ENPEP: variants seen among roughly 807,000 people sequenced by gnomAD.
ENPEP encodes glutamyl aminopeptidase, also known as AP-A.
A neutral mutation model predicts 114.5 loss-of-function variants in ENPEP; 103 were observed. That is an observed-to-expected ratio of 0.90 (90% CI 0.77 to 1.06). The LOEUF (loss-of-function observed/expected upper bound fraction) is 1.06, where lower values mean the gene tolerates loss of function less well. ENPEP is among the 50% of genes least tolerant of loss of function. The pLI, the probability that ENPEP is intolerant of heterozygous loss-of-function variation, is 0.00. For missense variants in ENPEP, 1,196 were observed against 1,161.3 expected (o/e 1.03, Z -0.43); for synonymous variants, 420 against 422.0 (o/e 1.00, Z 0.06).
chr4:110,494,953 C>G (rs1466944406), intron 3 of ENPEP, among the ~76,000 whole-genome samples: 1 of 152,030 alleles, frequency 6.6e-6, no homozygotes, highest in East Asian at 1.9e-4. Flanking sequence ...AATTTCACCC[C>G]AGAAAAACAA....
Position 110,476,933 on chromosome 4 carries a change from G to T in ENPEP, c.519G>T (p.Ala173=), listed in dbSNP as rs373421438. 23 of 1,614,058 alleles carry T rather than the reference G, an allele frequency of 1.4e-5. No individual in the cohort carries two copies. The highest frequency in any genetic ancestry group is 2.7e-5 in the African/African-American group (2 of 74,934). The part of the protein sequence containing the change: ...YKKQEYVVVE[A]EEELTPSSGD... The stretch of plus-strand genomic sequence containing the variant: ...AGCAGGAGTACGTGGTGGTCGAGGC[G>T]GAGGAAGAGCTTACCCCCAGCAGTG... Residue 173 remains alanine, a synonymous_variant, in exon 1 of 20, where the codon GCG becomes GCT. Transcript: ENST00000265162.
intron 1 of ENPEP, among the ~76,000 whole-genome samples, chr4:110,486,560 C>T (rs1156573132): frequency 3.3e-5 from 5 of 152,136 alleles, no homozygotes; most frequent in African/African-American, 9.7e-5. Context: ...ATTCAGATCT[C>T]GGCAAACCAA....
At chr4:110,497,448 A>G (rs1034563810) in intron 3 of ENPEP, among the ~76,000 whole-genome samples, 7 of 152,130 alleles carry the variant, frequency 4.6e-5, no homozygotes, top group Non-Finnish European at 1.5e-5. Flanking sequence ...ATATAAACAA[A>G]ATAATAAAAA....
At position 110,563,792 on chromosome 4, in the gene ENPEP, T is replaced by G. The variant is rs1433480928; in HGVS notation, c.*2234T>G. ...ACTCCTGTATTCCAGATCATTGCTATGTACCCACATAATTATAAATTAGGA... is the reference window on the plus strand; with the variant it reads ...ACTCCTGTATTCCAGATCATTGCTAGGTACCCACATAATTATAAATTAGGA... On this transcript the variant is annotated 3_prime_UTR_variant, in exon 20 of 20. Coordinates refer to ENST00000265162, the MANE Select transcript of ENPEP (RefSeq NM_001977.4). 6.6e-6 allele frequency: 1 copy of G among 152,174 alleles called. No individual in the cohort carries two copies. Among genetic ancestry groups the G allele is most frequent in the African/African-American group, 2.4e-5 (1 of 41,450 alleles). 9.4% of individuals were successfully genotyped at this position (152,174 alleles called of 1,614,324 possible).
At chr4:110,525,182 T>G (rs1726148332) in intron 10 of ENPEP, among the ~76,000 whole-genome samples, 1 of 152,264 alleles carries the variant, frequency 6.6e-6, no homozygotes, top group Non-Finnish European at 1.5e-5. Flanking sequence ...TAAACATTTC[T>G]GCATAACTAA....
At chr4:110,520,499 C>A in intron 10 of ENPEP, 133 bp downstream of exon 10, 4 of 910,414 alleles carry the variant, frequency 4.4e-6, no homozygotes, top group Non-Finnish European at 6.6e-6. Context: ...TTTAGGGGAA[C>A]AAGGAATTCA....
chr4:110,559,304 T>C (rs1319080886), intron 18 of ENPEP: 3 of 181,820 alleles, frequency 1.6e-5, no homozygotes, highest in Non-Finnish European at 3.4e-5. Flanking sequence ...TTGGTAAGAA[T>C]TGGGTTACCT....
At chr4:110,535,343 T>C (rs1726572305) in intron 11 of ENPEP, among the ~76,000 whole-genome samples, 1 of 152,172 alleles carries the variant, frequency 6.6e-6, no homozygotes, top group African/African-American at 2.4e-5. Context: ...ACTAAACATC[T>C]GTGATAATTA....
chr4:110,489,035 A>G (rs1294224326), intron 2 of ENPEP, among the ~76,000 whole-genome samples: 1 of 152,176 alleles, frequency 6.6e-6, no homozygotes, highest in Non-Finnish European at 1.5e-5. Context: ...AGGGCTACTC[A>G]CTATTTAGTT....
chr4:110,509,618 ATG>A, intron 4 of ENPEP, 33 bp from the exon 5 acceptor site: 1 of 1,588,408 alleles, frequency 6.3e-7, no homozygotes, highest in South Asian at 1.2e-5. Context: ...AATGGAAAGA[ATG>A]TATTTCTCAC....
chr4:110,521,487 A>G (rs769703317), intron 10 of ENPEP, among the ~76,000 whole-genome samples: 2 of 152,054 alleles, frequency 1.3e-5, no homozygotes, highest in African/African-American at 4.8e-5. Context: ...ACTAGAATCA[A>G]TTTAACTCTT....
intron 3 of ENPEP, among the ~76,000 whole-genome samples, chr4:110,505,013 G>A (rs1725320425): frequency 1.3e-5 from 2 of 152,204 alleles, no homozygotes; most frequent in African/African-American, 4.8e-5. Context: ...AGTTTTTAAT[G>A]CAGAGAACAG....
At chr4:110,497,521 T>G (rs950685176) in intron 3 of ENPEP, among the ~76,000 whole-genome samples, 2 of 152,114 alleles carry the variant, frequency 1.3e-5, no homozygotes, top group Admixed American at 6.6e-5. Flanking sequence ...TTCTTAAAAA[T>G]TATACTGCAG....
In ENPEP at chr4:110,561,521, T is replaced by A; in HGVS notation, c.2837T>A (p.Ile946Asn). Reference sequence around the variant, plus strand: ...TGGCTAAAACAACATAGAAACACCATCAGAGAATGGTTTTTTAATTTACTT... The same window carrying A: ...TGGCTAAAACAACATAGAAACACCAACAGAGAATGGTTTTTTAATTTACTT... Reference protein sequence around the residue: ...IEWLKQHRNTIREWFFNLLES... With the variant: ...IEWLKQHRNTNREWFFNLLES... The change falls in exon 20 of 20, where the codon ATC (isoleucine) becomes AAC (asparagine). Residue 946 changes from isoleucine (I) to asparagine (N), a missense_variant. Ile to Asn is a moderately radical substitution (Grantham distance 149, BLOSUM62 -3). Transcript: ENST00000265162. 2 of 1,613,830 alleles carry A rather than the reference T, an allele frequency of 1.2e-6. No individual in the cohort carries two copies. The highest frequency in any genetic ancestry group is 1.3e-5 in the African/African-American group (1 of 75,046).
At chr4:110,518,953 A>T (rs1450438553) in intron 8 of ENPEP, 1 of 403,288 alleles carries the variant, frequency 2.5e-6, no homozygotes, top group Non-Finnish European at 4.9e-6. Flanking sequence ...ATTATTATTT[A>T]AAAATATTAG....
At position 110,485,733 on chromosome 4, in the gene ENPEP, T is replaced by C. The variant is rs1320607020; in HGVS notation, c.645-2808T>C. Among the ~76,000 whole-genome samples, 4 of 152,346 alleles carry C rather than the reference T, an allele frequency of 2.6e-5. No individual in the cohort carries two copies. The East Asian group carries it at 7.7e-4, about 29-fold the overall frequency. ...CTTTGTCTTTCTAAAGTTAATATTT[T>C]TGAAGAATACAGGCTGGCTATTTTG... On this transcript the variant is annotated intron_variant, in intron 1 of 19. Coordinates refer to ENST00000265162, the MANE Select transcript of ENPEP (RefSeq NM_001977.4).
intron 3 of ENPEP, chr4:110,500,258 G>C (rs1178142303): frequency 6.6e-6 from 1 of 152,176 alleles, no homozygotes; most frequent in Non-Finnish European, 1.5e-5. Flanking sequence ...AGAACTCTAA[G>C]AGCCTACATT....
At chr4:110,513,594 A>T (rs965209101) in intron 7 of ENPEP, 45 bp downstream of exon 7, 4 of 1,603,394 alleles carry the variant, frequency 2.5e-6, no homozygotes, top group Non-Finnish European at 3.4e-6. Flanking sequence ...CTGTTTAGTG[A>T]CTTTTCTTTT....
intron 13 of ENPEP, among the ~76,000 whole-genome samples, chr4:110,546,067 G>A (rs1363055581): frequency 6.6e-6 from 1 of 152,008 alleles, no homozygotes; most frequent in African/African-American, 2.4e-5. Context: ...AGCCCTTGGA[G>A]GGGAGAGCAT....
Sources: allele counts gnomAD v4.1 joint callset (sites outside exome capture counted in the v4.1 genomes callset), GRCh38; gene constraint gnomAD v4.1.1; transcripts MANE v1.5; gene names NCBI Gene and HGNC (gene_info 2026-07-23, HGNC 2026-07-21).